PLSCR2: variants seen among roughly 807,000 people sequenced by gnomAD.
PLSCR2 encodes phospholipid scramblase 2.
Under a neutral mutation model 25.3 loss-of-function variants are expected in PLSCR2, and 18 were observed. That is an observed-to-expected ratio of 0.71 (90% CI 0.49 to 1.06). The LOEUF is 1.06. PLSCR2 is among the 50% of genes least tolerant of loss of function. The pLI is 0.00. For missense variants in PLSCR2, 243 were observed against 269.5 expected, an observed-to-expected ratio of 0.90 and a Z score of 0.69; for synonymous variants, 88 against 87.3, an observed-to-expected ratio of 1.01 and a Z score of -0.04.
chr3:146,469,780 AC>A lies in PLSCR2; in HGVS notation c.-292-9497del, dbSNP rs534916541. Among the ~76,000 whole-genome samples the A allele has an allele frequency of 5.1e-3, 481 of 93,408 alleles. 2 individuals are homozygous for A. The highest frequency in any genetic ancestry group is 0.026 in the South Asian group (69 of 2,618). The allele number at this position is 93,408 out of a possible 152,430, so 61.3% of individuals were successfully genotyped here. A position where few individuals can be genotyped will look rare whatever the true frequency, so the allele number is the denominator to read the frequency against. ...CCGAGCTGGGGGCGCGACTGCACCC[AC>A]CCCCCCACGCCGTGTGCGACGCGCA... is the stretch of plus-strand genomic sequence containing the variant. On this transcript the variant is annotated intron_variant, in intron 1 of 8. Transcript: ENST00000336685.
At chr3:146,414,271 C>A (rs1418089166) in intron 2 of PLSCR2, among the ~76,000 whole-genome samples, 2 of 152,204 alleles carry the variant, frequency 1.3e-5, no homozygotes, top group Non-Finnish European at 2.9e-5. Context: ...GTTTCCAGCA[C>A]ATGAACTTTG....
downstream of PLSCR2, among the ~76,000 whole-genome samples, chr3:146,441,143 C>T (rs1383321892): frequency 1.3e-5 from 2 of 151,934 alleles, no homozygotes; most frequent in Non-Finnish European, 1.5e-5. Flanking sequence ...ACTAGGTTAG[C>T]TGATAGGAGA....
chr3:146,453,243 C>A (rs972396581), intron 5 of PLSCR2, among the ~76,000 whole-genome samples: 1 of 151,910 alleles, frequency 6.6e-6, no homozygotes, highest in African/African-American at 2.4e-5. Flanking sequence ...AGTGAGGTAG[C>A]CCTACTCAAC....
At chr3:146,422,927 A>G (rs1321376027) in intron 2 of PLSCR2, among the ~76,000 whole-genome samples, 2 of 152,080 alleles carry the variant, frequency 1.3e-5, no homozygotes, top group Non-Finnish European at 2.9e-5. Context: ...AAAGCAGGAC[A>G]CTGCCACAAA....
At chr3:146,404,414 T>C (rs2108011849) in intron 2 of PLSCR2, among the ~76,000 whole-genome samples, 1 of 152,314 alleles carries the variant, frequency 6.6e-6, no homozygotes, top group African/African-American at 2.4e-5. Flanking sequence ...CCTGCCATAA[T>C]GGCAACAATC....
chr3:146,454,135 G>A (rs1411886315), exon 5 of PLSCR2: 2 of 1,594,472 alleles, frequency 1.3e-6, no homozygotes, highest in Non-Finnish European at 1.7e-6. Flanking sequence ...ATAACCTACT[G>A]GTACACCAGG....
chr3:146,481,386 C>A (rs1361193912), intron 1 of PLSCR2, among the ~76,000 whole-genome samples: 3 of 152,210 alleles, frequency 2.0e-5, no homozygotes, highest in African/African-American at 7.2e-5. Flanking sequence ...TCAGCAAAGT[C>A]TCAGGATACA....
intron 2 of PLSCR2, among the ~76,000 whole-genome samples, chr3:146,406,202 G>A (rs1287364425): frequency 6.6e-6 from 1 of 152,222 alleles, no homozygotes; most frequent in East Asian, 1.9e-4. Flanking sequence ...GGCCGCTAAA[G>A]TTACACCTGT....
upstream of PLSCR2, among the ~76,000 whole-genome samples, chr3:146,464,452 C>T (rs954230172): frequency 6.6e-6 from 1 of 152,154 alleles, no homozygotes; most frequent in East Asian, 1.9e-4. Flanking sequence ...TGTGTCCTGA[C>T]TAAATTAGCT....
chr3:146,414,451 A>G (rs147751859), intron 2 of PLSCR2, among the ~76,000 whole-genome samples: 137 of 152,356 alleles, frequency 9.0e-4, no homozygotes, highest in African/African-American at 3.2e-3. Context: ...ATAAAATAAA[A>G]CAATTTAGTA....
intron 5 of PLSCR2, among the ~76,000 whole-genome samples, 179 bp downstream of exon 5, chr3:146,453,822 AT>A (rs2108350586): frequency 6.6e-6 from 1 of 152,314 alleles, no homozygotes; most frequent in East Asian, 1.9e-4. Flanking sequence ...ATTTATCATT[AT>A]CAATATTGAC....
At chr3:146,459,757 A>C (rs1412698944) in intron 2 of PLSCR2, 91 bp downstream of exon 2, 1 of 872,548 alleles carries the variant, frequency 1.1e-6, no homozygotes, top group Non-Finnish European at 1.8e-6. Flanking sequence ...GCAGTAAATA[A>C]ATAAGTATCA....
chr3:146,393,274 C>T (rs946175812), intron 3 of PLSCR2, among the ~76,000 whole-genome samples: 7 of 151,478 alleles, frequency 4.6e-5, no homozygotes, highest in South Asian at 2.1e-4. Context: ...GTGATCTACA[C>T]GCCTCGGCCT....
At chr3:146,440,457 C>T (rs1023354586), downstream of PLSCR2, among the ~76,000 whole-genome samples, 4 of 152,222 alleles carry the variant, frequency 2.6e-5, no homozygotes, top group Admixed American at 1.3e-4. Flanking sequence ...TGTTTACCTA[C>T]TCAAGCCTCA....
chr3:146,453,244 C>G (rs1466663792), intron 5 of PLSCR2, among the ~76,000 whole-genome samples: 2 of 151,838 alleles, frequency 1.3e-5, no homozygotes, highest in African/African-American at 4.8e-5. Flanking sequence ...GTGAGGTAGC[C>G]CTACTCAACT....
intron 1 of PLSCR2, among the ~76,000 whole-genome samples, chr3:146,481,920 A>C (rs1164173374): frequency 6.6e-6 from 1 of 152,208 alleles, no homozygotes; most frequent in Non-Finnish European, 1.5e-5. Context: ...TTCAGAAATA[A>C]CACCACACAT....
chr3:146,488,110 G>A (rs1174183114), intron 1 of PLSCR2, among the ~76,000 whole-genome samples: 2 of 151,988 alleles, frequency 1.3e-5, no homozygotes, highest in Non-Finnish European at 2.9e-5. Flanking sequence ...AAATAAGTGG[G>A]AAAACTGGCT....
At chr3:146,431,824 C>A, downstream of PLSCR2, among the ~76,000 whole-genome samples, 1 of 148,134 alleles carries the variant, frequency 6.8e-6, no homozygotes. Context: ...ATTCACAGGC[C>A]AAAAGGTTTA....
At chr3:146,454,525 A>C (rs1170577755) in intron 4 of PLSCR2, among the ~76,000 whole-genome samples, 1 of 152,178 alleles carries the variant, frequency 6.6e-6, no homozygotes, top group Non-Finnish European at 1.5e-5. Flanking sequence ...TGATGTTCTC[A>C]CAGCAATCTG....
Sources: allele counts gnomAD v4.1 joint callset (sites outside exome capture counted in the v4.1 genomes callset), GRCh38; gene constraint gnomAD v4.1.1; transcripts MANE v1.5; gene names NCBI Gene and HGNC (gene_info 2026-07-23, HGNC 2026-07-21).